Variants in THSD7B observed in about 807,000 individuals in gnomAD.
The protein encoded by THSD7B is thrombospondin type-1 domain-containing protein 7B.
In THSD7B, 138 loss-of-function variants were observed where a neutral mutation model predicts 213.6. The observed-to-expected ratio is 0.65, with a 90% CI of 0.56 to 0.74. The LOEUF is 0.74. THSD7B is among the 30% of genes least tolerant of loss of function. THSD7B has a pLI of 0.00. For synonymous variants in THSD7B, 742 were observed against 687.0 expected (o/e 1.08, Z -1.25); for missense variants, 1,931 against 1,991.5 (o/e 0.97, Z 0.58).
intron 7 of THSD7B, among the ~76,000 whole-genome samples, chr2:137,198,942 G>A (rs1276113920): frequency 6.6e-6 from 1 of 152,140 alleles, no homozygotes; most frequent in East Asian, 1.9e-4. Context: ...AGATATTTGA[G>A]TCGGGAGATT....
intron 1 of THSD7B, among the ~76,000 whole-genome samples, chr2:136,842,568 G>T (rs985771069): frequency 1.3e-5 from 2 of 152,302 alleles, no homozygotes; most frequent in African/African-American, 4.8e-5. Context: ...GTTATTAGGA[G>T]AATAAAAACT....
At chr2:136,891,406 G>A (rs1683856916) in intron 2 of THSD7B, among the ~76,000 whole-genome samples, 1 of 152,146 alleles carries the variant, frequency 6.6e-6, no homozygotes, top group African/African-American at 2.4e-5. Context: ...TGGAGAGCTG[G>A]CTTTTTTATT....
intron 20 of THSD7B, among the ~76,000 whole-genome samples, chr2:137,626,645 C>T (rs1682637842): frequency 6.6e-6 from 1 of 152,116 alleles, no homozygotes; most frequent in Non-Finnish European, 1.5e-5. Context: ...AATGGCCATG[C>T]TAAAAATTTT....
At chr2:137,113,712 C>T (rs1688395141) in intron 4 of THSD7B, among the ~76,000 whole-genome samples, 1 of 152,158 alleles carries the variant, frequency 6.6e-6, no homozygotes, top group Admixed American at 6.5e-5. Flanking sequence ...GCTGGGATTA[C>T]AGGCATGAGC....
At chr2:137,307,860 C>T (rs945875069) in intron 12 of THSD7B, among the ~76,000 whole-genome samples, 4 of 151,982 alleles carry the variant, frequency 2.6e-5, no homozygotes, top group Non-Finnish European at 5.9e-5. Flanking sequence ...CGGAAGCTGA[C>T]CAGGAGCGGT....
chr2:137,311,968 T>A (rs1683921723), intron 12 of THSD7B, among the ~76,000 whole-genome samples: 2 of 146,288 alleles, frequency 1.4e-5, no homozygotes, highest in Non-Finnish European at 3.0e-5. Flanking sequence ...TAAAATTCTC[T>A]TTTTTGGTTG....
Position 137,579,251 on chromosome 2 carries a change from T to C in THSD7B, c.3423+6695T>C, listed in dbSNP as rs1443028902. On this transcript the variant is annotated intron_variant, in intron 17 of 27. Coordinates refer to ENST00000409968, the MANE Select transcript of THSD7B (RefSeq NM_001316349.2). The stretch of plus-strand genomic sequence containing the variant: ...CCATCCAAACAGTTAAAGGCCCAAG[T>C]AGAACAAAAAGGCTGACATTCCCAT... Among the ~76,000 whole-genome samples, 7 of 152,136 alleles carry C rather than the reference T, an allele frequency of 4.6e-5. No homozygotes were observed. The East Asian group carries it at 1.4e-3, about 29-fold the overall frequency.
chr2:136,828,236 T>C (rs945845967), intron 1 of THSD7B, among the ~76,000 whole-genome samples: 1 of 152,224 alleles, frequency 6.6e-6, no homozygotes, highest in Non-Finnish European at 1.5e-5. Context: ...TCTCTTTCTC[T>C]GGGTAGCCTT....
At position 137,231,076 on chromosome 2, in the gene THSD7B, C is replaced by T. The variant is rs61742147; in HGVS notation, c.1756C>T (p.Pro586Ser). Residue 586 changes from proline (P) to serine (S), a missense_variant, in exon 8 of 28, where the codon CCC (proline) becomes TCC (serine). By Grantham distance (74) the Pro-to-Ser change is moderately conservative. Coordinates refer to ENST00000409968, the MANE Select transcript of THSD7B (RefSeq NM_001316349.2). Reference protein sequence around the residue: ...EDVSGSLCPVPPPPERKSCEI... With the variant: ...EDVSGSLCPVSPPPERKSCEI... Reference sequence around the variant, plus strand: ...TGTATCAGGGAGTCTTTGCCCAGTTCCCCCTCCTCCTGAGAGGAAGTCTTG... The same window carrying T: ...TGTATCAGGGAGTCTTTGCCCAGTTTCCCCTCCTCCTGAGAGGAAGTCTTG... The T allele has an allele frequency of 1.9e-5, 30 of 1,613,458 alleles. No individual in the cohort carries two copies. Among genetic ancestry groups the T allele is most frequent in the Non-Finnish European group, 2.3e-5 (27 of 1,179,744 alleles).
intron 3 of THSD7B, among the ~76,000 whole-genome samples, chr2:137,077,849 G>A (rs1055050360): frequency 6.6e-6 from 1 of 151,960 alleles, no homozygotes. Flanking sequence ...ATTTGTCAAT[G>A]TTGGCTTTTG....
Position 137,433,573 on chromosome 2 carries a change from C to T in THSD7B, c.2960-17272C>T, listed in dbSNP as rs181195024. 1.6e-3 allele frequency among the ~76,000 whole-genome samples: 241 copies of T among 152,012 alleles called. 5 individuals are homozygous for T. The Middle Eastern group carries it at 0.027, about 17-fold the overall frequency. On this transcript the variant is annotated intron_variant, in intron 14 of 27. Transcript: ENST00000409968. ...TTCTTCATGTTGGCCAGGCTGGTCT[C>T]GAACTCCTGACCTCAAGTGATCCAC... is the stretch of plus-strand genomic sequence containing the variant.
At chr2:136,823,317 G>C (rs1682594906) in intron 1 of THSD7B, among the ~76,000 whole-genome samples, 1 of 152,190 alleles carries the variant, frequency 6.6e-6, no homozygotes, top group South Asian at 2.1e-4. Context: ...CTAAAGAACA[G>C]TTTAGTACTT....
At chr2:137,049,510 A>T (rs1573789181) in intron 2 of THSD7B, among the ~76,000 whole-genome samples, 1 of 152,242 alleles carries the variant, frequency 6.6e-6, no homozygotes, top group African/African-American at 2.4e-5. Context: ...GGAAGATGAT[A>T]GTAGGTGTTC....
rs562672963 is a variant in THSD7B, at chr2:137,018,934, TA to T, written c.140-37485del. 3.9e-5 allele frequency among the ~76,000 whole-genome samples: 6 copies of T among 152,334 alleles called. No individual in the cohort carries two copies. In the South Asian group the frequency reaches 1.2e-3, roughly 32 times the overall value. ...ATTTACTGTTTTGTTTGTTTGTTTT[TA>T]CTGTTTCAAATATCTTGGCATTGTC... On this transcript the variant is annotated intron_variant, in intron 2 of 27. Transcript: ENST00000409968.
rs1416290800 is a variant in THSD7B at position 136,983,527 on chromosome 2, A to G, written c.140-72893A>G. On this transcript the variant is annotated intron_variant, in intron 2 of 27. Coordinates refer to ENST00000409968, the MANE Select transcript of THSD7B (RefSeq NM_001316349.2). ...GTTTTTTTTTTTTTTTCTGAGGAGTATCCTTAGCATAAATGTGATTATAAA... is the reference window on the plus strand; with the variant it reads ...GTTTTTTTTTTTTTTTCTGAGGAGTGTCCTTAGCATAAATGTGATTATAAA... Among the ~76,000 whole-genome samples, 4 of 149,500 alleles carry G rather than the reference A, an allele frequency of 2.7e-5. No homozygotes were observed. The South Asian group carries it at 6.3e-4, about 24-fold the overall frequency.
At chr2:137,258,373 C>T (rs1186867689) in intron 10 of THSD7B, among the ~76,000 whole-genome samples, 1 of 151,848 alleles carries the variant, frequency 6.6e-6, no homozygotes, top group Non-Finnish European at 1.5e-5. Context: ...GGAAGTGGTC[C>T]TCTTTTGCTC....
chr2:137,262,207 G>T (rs1370262642), intron 10 of THSD7B, among the ~76,000 whole-genome samples: 3 of 152,138 alleles, frequency 2.0e-5, no homozygotes, highest in Non-Finnish European at 2.9e-5. Flanking sequence ...GCATTTTTCA[G>T]ATATATAGTT....
chr2:137,521,669 T>G (rs1046965174), intron 15 of THSD7B, among the ~76,000 whole-genome samples: 11 of 152,204 alleles, frequency 7.2e-5, no homozygotes, highest in Admixed American at 7.2e-4. Context: ...AGATGCCAGC[T>G]GGCAAAGCCA....
intron 2 of THSD7B, among the ~76,000 whole-genome samples, chr2:137,052,357 A>G (rs1161859275): frequency 6.6e-6 from 1 of 152,176 alleles, no homozygotes; most frequent in East Asian, 1.9e-4. Context: ...CATGAGTTTT[A>G]TTAATGGTTT....
Sources: gnomAD v4.1 joint callset for allele counts (sites outside exome capture counted in the v4.1 genomes callset) on GRCh38, gnomAD v4.1.1 for gene constraint, MANE v1.5 for transcripts, NCBI Gene and HGNC (gene_info 2026-07-23, HGNC 2026-07-21) for gene names.